The following EHMT1 variants were observed in gnomAD, a reference collection of about 807,000 sequenced individuals.
EHMT1 encodes the protein histone-lysine N-methyltransferase EHMT1.
In EHMT1, 15 loss-of-function variants were observed where a neutral mutation model predicts 147.2. The observed-to-expected ratio is 0.10, with a 90% CI of 0.07 to 0.16. The LOEUF (loss-of-function observed/expected upper bound fraction) is 0.16. Among genes scored for constraint, EHMT1 ranks in the 10% least tolerant of loss-of-function variants. The pLI is 1.00. For missense variants in EHMT1, 1,587 were observed against 1,772.4 expected (o/e 0.90, Z 1.88); for synonymous variants, 795 against 709.6 (o/e 1.12, Z -1.91).
At chr9:137,781,924 C>T (rs1471301237) in intron 14 of EHMT1, among the ~76,000 whole-genome samples, 8 of 152,202 alleles carry the variant, frequency 5.3e-5, no homozygotes, top group African/African-American at 1.4e-4. Flanking sequence ...CCTCTGTCCC[C>T]GGCCTTGCTT....
chr9:137,757,694 A>G (rs1949482968), intron 8 of EHMT1, among the ~76,000 whole-genome samples, 186 bp from the exon 9 acceptor site: 2 of 152,202 alleles, frequency 1.3e-5, no homozygotes, highest in Admixed American at 1.3e-4. Context: ...GCAAAATAAT[A>G]TGCGGGAGAG....
rs4030112 is a variant in EHMT1 at position 137,633,823 on chromosome 9, A to ATTTT, written c.21+14788_21+14791dup. On this transcript the variant is annotated intron_variant, in intron 1 of 26. Transcript: ENST00000460843. ...CTGTGGGCTGTCTTTTCACTTTCTAATTTTTTTTTTTTTTTTTGAGACAGT... is the reference window on the plus strand; with the variant it reads ...CTGTGGGCTGTCTTTTCACTTTCTAATTTTTTTTTTTTTTTTTTTTTGAGACAGT... Among the ~76,000 whole-genome samples the ATTTT allele has an allele frequency of 1.4e-4, 19 of 137,672 alleles. No individual in the cohort carries two copies. In the Middle Eastern group the frequency reaches 0.015, roughly 109 times the overall value. 90.3% of individuals were successfully genotyped at this position (137,672 alleles called of 152,430 possible). A position where few individuals can be genotyped will look rare whatever the true frequency, so the allele number is the denominator to read the frequency against.
At chr9:137,809,994 G>A (rs1479986206) in intron 18 of EHMT1, among the ~76,000 whole-genome samples, 10 of 122,396 alleles carry the variant, frequency 8.2e-5, no homozygotes, top group Admixed American at 5.1e-4. Context: ...AGGCGGTTCC[G>A]ATGCTGCCCC....
chr9:137,679,356 C>T (rs3895387), intron 1 of EHMT1, among the ~76,000 whole-genome samples: 22,636 of 151,996 alleles, frequency 0.15, 1,965 homozygotes, highest in Admixed American at 0.29. Context: ...GGGACTGCTG[C>T]GATTGATCTT....
intron 16 of EHMT1, among the ~76,000 whole-genome samples, chr9:137,794,474 C>T (rs1303893344): frequency 1.3e-5 from 2 of 151,826 alleles, no homozygotes; most frequent in African/African-American, 4.8e-5. Context: ...ATAGTGAGAC[C>T]CCATCTCTAT....
intron 24 of EHMT1, 21 bp downstream of exon 24, chr9:137,817,546 C>T (rs752689568): frequency 6.2e-7 from 1 of 1,614,048 alleles, no homozygotes; most frequent in Non-Finnish European, 8.5e-7. Flanking sequence ...CCCTGGGTCA[C>T]CCCAAGCCTG....
At chr9:137,831,647 G>A (rs1956195342) in intron 25 of EHMT1, among the ~76,000 whole-genome samples, 1 of 152,260 alleles carries the variant, frequency 6.6e-6, no homozygotes, top group South Asian at 2.1e-4. Flanking sequence ...ATTGAGGACA[G>A]CCTTAGGAGC....
At chr9:137,833,464 C>T (rs12156477) in intron 25 of EHMT1, among the ~76,000 whole-genome samples, 9 of 152,250 alleles carry the variant, frequency 5.9e-5, no homozygotes, top group Admixed American at 3.9e-4. Flanking sequence ...GCGTGGGCAG[C>T]GTCTAGGTTC....
At chr9:137,682,699 C>T (rs1406082491) in intron 1 of EHMT1, among the ~76,000 whole-genome samples, 4 of 152,200 alleles carry the variant, frequency 2.6e-5, no homozygotes, top group Admixed American at 1.3e-4. Context: ...CCGCCTTCCC[C>T]GTGGGCGGTG....
At chr9:137,753,773 T>G (rs1949165713) in intron 7 of EHMT1, among the ~76,000 whole-genome samples, 2 of 127,114 alleles carry the variant, frequency 1.6e-5, no homozygotes, top group African/African-American at 6.0e-5. Flanking sequence ...TGTAGATCAT[T>G]CATGTGGGTA....
In EHMT1 at chr9:137,779,677, C is replaced by T. The variant is rs192912701; in HGVS notation, c.2235C>T (p.Ser745=). ...TCCACCCAAAGCAGCTGTACTTCTCCGCCAGGCAAGGGGAGCTTCAGAAGG... is the reference window on the plus strand; with the variant it reads ...TCCACCCAAAGCAGCTGTACTTCTCTGCCAGGCAAGGGGAGCTTCAGAAGG... ...LRFHPKQLYF[S]ARQGELQKVL... The change falls in exon 14 of 27, where the codon TCC becomes TCT. Residue 745 remains serine (S), a synonymous_variant. Coordinates refer to ENST00000460843, the MANE Select transcript of EHMT1 (RefSeq NM_024757.5). 44 of 1,613,906 alleles carry T rather than the reference C, an allele frequency of 2.7e-5. No individual in the cohort carries two copies. In the East Asian group the frequency reaches 5.1e-4, roughly 19 times the overall value.
intron 1 of EHMT1, among the ~76,000 whole-genome samples, chr9:137,674,212 C>T (rs556399164): frequency 6.6e-6 from 1 of 152,068 alleles, no homozygotes; most frequent in Non-Finnish European, 1.5e-5. Flanking sequence ...AGTGGTGGGG[C>T]GAGGGGGGCT....
chr9:137,666,597 C>T (rs1939680888), intron 1 of EHMT1, among the ~76,000 whole-genome samples: 1 of 152,186 alleles, frequency 6.6e-6, no homozygotes, highest in African/African-American at 2.4e-5. Flanking sequence ...ATGCAGGCTG[C>T]AGAAAAGGAA....
At chr9:137,820,593 G>C (rs569712160) in intron 25 of EHMT1, among the ~76,000 whole-genome samples, 3 of 152,260 alleles carry the variant, frequency 2.0e-5, no homozygotes, top group South Asian at 2.1e-4. Flanking sequence ...TCCCAGAAAC[G>C]GTCATGTTTG....
chr9:137,815,797 T>C (rs1480621419), intron 22 of EHMT1, 150 bp from the exon 23 acceptor site: 1 of 718,662 alleles, frequency 1.4e-6, no homozygotes, highest in Non-Finnish European at 2.5e-6. Context: ...ACATGGAGTT[T>C]TTCCCTAGGT....
At chr9:137,771,452 C>T (rs909328475) in intron 10 of EHMT1, among the ~76,000 whole-genome samples, 5 of 152,136 alleles carry the variant, frequency 3.3e-5, no homozygotes, top group Admixed American at 2.0e-4. Flanking sequence ...CCTCCCACCT[C>T]GGGTTTACAG....
intron 18 of EHMT1, among the ~76,000 whole-genome samples, chr9:137,805,983 G>C (rs1345135898): frequency 6.7e-6 from 1 of 148,150 alleles, no homozygotes; most frequent in East Asian, 2.0e-4. Flanking sequence ...TTTTTTTTTG[G>C]AGACAGTCTC....
At chr9:137,759,467 C>A (rs1021717584) in intron 9 of EHMT1, among the ~76,000 whole-genome samples, 1 of 152,178 alleles carries the variant, frequency 6.6e-6, no homozygotes, top group African/African-American at 2.4e-5. Flanking sequence ...GGCCGTTCCA[C>A]CTGTCAGTGT....
At chr9:137,719,436 C>T (rs551432678) in intron 3 of EHMT1, among the ~76,000 whole-genome samples, 1 of 152,242 alleles carries the variant, frequency 6.6e-6, no homozygotes, top group South Asian at 2.1e-4. Context: ...CTGGGTGTTG[C>T]GTCCTCTCCT....
Sources: gnomAD v4.1 joint callset for allele counts (sites outside exome capture counted in the v4.1 genomes callset) on GRCh38, gnomAD v4.1.1 for gene constraint, MANE v1.5 for transcripts, NCBI Gene and HGNC (gene_info 2026-07-23, HGNC 2026-07-21) for gene names.